Variants in IRF8 observed in about 807,000 individuals in gnomAD.
IRF8 encodes the protein interferon regulatory factor 8.
IRF8 carries 14 observed loss-of-function variants against 48.7 expected under a neutral mutation model. The observed-to-expected ratio is 0.29, with a 90% confidence interval of 0.19 to 0.45. The LOEUF (loss-of-function observed/expected upper bound fraction) is 0.45. Ranked by LOEUF, IRF8 falls within the 20% of genes least tolerant of loss-of-function variation. IRF8 has a pLI of 1.00. For missense variants in IRF8, 493 were observed against 580.7 expected (o/e 0.85, Z 1.55); for synonymous variants, 278 against 227.3 (o/e 1.22, Z -2.01).
At chr16:85,905,762 C>T (rs1056215126) in intron 2 of IRF8, among the ~76,000 whole-genome samples, 6 of 152,218 alleles carry the variant, frequency 3.9e-5, no homozygotes, top group African/African-American at 1.2e-4. Context: ...GTTATGTAGA[C>T]ACTTGTTTCT....
chr16:85,911,525 A>C, intron 3 of IRF8, 45 bp from the exon 4 acceptor site: 11 of 1,492,898 alleles, frequency 7.4e-6, no homozygotes, highest in Non-Finnish European at 1.0e-5. Context: ...AAAGGCTGTG[A>C]TGCCTCCGTG....
At chr16:85,919,002 G>A (rs1190814596) in intron 7 of IRF8, among the ~76,000 whole-genome samples, 199 bp downstream of exon 7, 1 of 152,142 alleles carries the variant, frequency 6.6e-6, no homozygotes, top group East Asian at 1.9e-4. Flanking sequence ...GCTTCTCTGT[G>A]CCTCAACTTC....
intron 6 of IRF8, among the ~76,000 whole-genome samples, chr16:85,914,873 G>C (rs543479621): frequency 1.6e-3 from 225 of 140,360 alleles, no homozygotes; most frequent in Middle Eastern, 3.4e-3. Flanking sequence ...TCACCATTTG[G>C]TCAGGAGCTG....
chr16:85,899,766 G>C (rs149069570), intron 1 of IRF8, among the ~76,000 whole-genome samples: 1 of 152,278 alleles, frequency 6.6e-6, no homozygotes, highest in Admixed American at 6.5e-5. Flanking sequence ...GTCGTCCTTG[G>C]CAAGAGAGTC....
intron 4 of IRF8, among the ~76,000 whole-genome samples, chr16:85,912,406 CAT>C (rs2152101761): frequency 6.6e-6 from 1 of 152,324 alleles, no homozygotes; most frequent in Admixed American, 6.5e-5. Context: ...TTCTTAATAA[CAT>C]AGCAATAATG....
chr16:85,902,854 C>T, intron 1 of IRF8, 161 bp from the exon 2 acceptor site: 2 of 759,554 alleles, frequency 2.6e-6, no homozygotes, highest in Admixed American at 3.9e-5. Context: ...GCCAGCATTG[C>T]CTTCTCATGG....
chr16:85,915,371 G>T (rs767644896), intron 6 of IRF8, among the ~76,000 whole-genome samples: 1 of 152,238 alleles, frequency 6.6e-6, no homozygotes, highest in Non-Finnish European at 1.5e-5. Flanking sequence ...GGGCAGGGGA[G>T]GAAATGGGGC....
rs944128027 is a variant in IRF8, at chr16:85,921,930, C to T, written c.*648C>T. 6.6e-6 allele frequency: 1 copy of T among 152,640 alleles called. No homozygotes were observed. The highest frequency in any genetic ancestry group is 2.4e-5 in the African/African-American group (1 of 41,410). The allele number at this position is 152,640 out of a possible 1,614,324, so 9.5% of individuals were successfully genotyped here. ...GTGTTTTTATCTTCAGACAATGAAA[C>T]CTTCTCCTCTGGGGCTTTGTTGCCA... is the stretch of plus-strand genomic sequence containing the variant. On this transcript the variant is annotated 3_prime_UTR_variant, in exon 9 of 9. Transcript: ENST00000268638.
chr16:85,903,936 T>C (rs981364159), intron 2 of IRF8, among the ~76,000 whole-genome samples: 3 of 152,210 alleles, frequency 2.0e-5, no homozygotes, highest in Admixed American at 1.3e-4. Flanking sequence ...GAACCCTTGG[T>C]CCTAACTCCA....
At chr16:85,907,672 G>A (rs943255382) in intron 2 of IRF8, among the ~76,000 whole-genome samples, 6 of 151,964 alleles carry the variant, frequency 3.9e-5, no homozygotes, top group South Asian at 2.1e-4. Context: ...GTGAGACTCC[G>A]TCTCAAAAAA....
intron 7 of IRF8, 122 bp downstream of exon 7, chr16:85,918,925 G>A: frequency 1.6e-6 from 2 of 1,258,318 alleles, no homozygotes; most frequent in South Asian, 2.5e-5. Context: ...GGAGTGAGGG[G>A]CATGGTGTGG....
intron 7 of IRF8, among the ~76,000 whole-genome samples, chr16:85,919,665 A>G (rs972743163): frequency 6.6e-6 from 1 of 152,222 alleles, no homozygotes; most frequent in Non-Finnish European, 1.5e-5. Context: ...CCAAGATTCT[A>G]CATTTCTAAT....
chr16:85,908,872 G>A, intron 2 of IRF8, 118 bp from the exon 3 acceptor site: 1 of 916,482 alleles, frequency 1.1e-6, no homozygotes, highest in East Asian at 2.4e-5. Flanking sequence ...TTGAATGAGA[G>A]TTGATGGCCA....
chr16:85,907,154 T>C (rs1394260620), intron 2 of IRF8, among the ~76,000 whole-genome samples: 1 of 152,242 alleles, frequency 6.6e-6, no homozygotes, highest in Admixed American at 6.5e-5. Context: ...CTACCACTTA[T>C]GCTCACTAAT....
chr16:85,902,255 T>C (rs1904848109), intron 1 of IRF8, among the ~76,000 whole-genome samples: 1 of 152,150 alleles, frequency 6.6e-6, no homozygotes, highest in Non-Finnish European at 1.5e-5. Flanking sequence ...GTTTGGATAA[T>C]AATAATGACA....
chr16:85,909,510 A>G (rs1905086733), intron 3 of IRF8: 3 of 354,836 alleles, frequency 8.5e-6, no homozygotes, highest in Admixed American at 4.1e-5. Flanking sequence ...CCAGGGGAAA[A>G]TATGGTGACC....
At chr16:85,917,652 A>C (rs12926854) in intron 6 of IRF8, among the ~76,000 whole-genome samples, 1 of 152,266 alleles carries the variant, frequency 6.6e-6, no homozygotes, top group East Asian at 1.9e-4. Context: ...CCCTAAGTTC[A>C]GTGCCATTAT....
intron 1 of IRF8, chr16:85,901,191 A>C (rs567751243): frequency 6.6e-6 from 1 of 152,176 alleles, no homozygotes; most frequent in Admixed American, 6.5e-5. Flanking sequence ...TATGATAAAC[A>C]CAGTGGCCTG....
chr16:85,912,697 C>T (rs1284966758), intron 4 of IRF8, among the ~76,000 whole-genome samples: 2 of 152,250 alleles, frequency 1.3e-5, no homozygotes, highest in African/African-American at 4.8e-5. Context: ...TATCAGCCTC[C>T]TTTAAGGAAT....
Sources: allele counts gnomAD v4.1 joint callset (sites outside exome capture counted in the v4.1 genomes callset), GRCh38; gene constraint gnomAD v4.1.1; transcripts MANE v1.5; gene names NCBI Gene and HGNC (gene_info 2026-07-23, HGNC 2026-07-21).